Variants in ADARB2 observed in about 807,000 individuals in gnomAD.
ADARB2 encodes inactive double-stranded RNA-specific editase B2.
ADARB2 carries 25 observed loss-of-function variants against 62.2 expected under a neutral mutation model. The ratio of observed to expected loss-of-function variants is 0.40; its 90% CI spans 0.29 to 0.56. ADARB2 has a LOEUF of 0.56. ADARB2 is among the 20% of genes least tolerant of loss of function. ADARB2 has a pLI of 0.43. For synonymous variants in ADARB2, 572 were observed against 500.8 expected (o/e 1.14, Z -1.90); for missense variants, 1,071 against 1,077.4 (o/e 0.99, Z 0.08).
In ADARB2 at chr10:1,389,748, AAAATAAATAAATAAAT is replaced by A. The variant is rs141695100; in HGVS notation, c.101-10604_101-10589del. On this transcript the variant is annotated intron_variant, in intron 1 of 9. Coordinates refer to ENST00000381312, the MANE Select transcript of ADARB2 (RefSeq NM_018702.4). ...ACAGGCAGAGTGAGACTCTGACTCAAAAATAAATAAATAAATAAATAAATAAATAAATAAATAATAA... is the reference window on the plus strand; with the variant it reads ...ACAGGCAGAGTGAGACTCTGACTCAAAAATAAATAAATAAATAAATAATAA... 2.2e-3 allele frequency among the ~76,000 whole-genome samples: 323 copies of A among 146,478 alleles called. 2 individuals are homozygous for A. The highest frequency in any genetic ancestry group is 8.9e-3 in the Admixed American group (132 of 14,754).
intron 1 of ADARB2, among the ~76,000 whole-genome samples, chr10:1,673,432 T>C (rs1288089271): frequency 6.6e-6 from 1 of 152,080 alleles, no homozygotes; most frequent in Non-Finnish European, 1.5e-5. Context: ...GTTCATAATT[T>C]TTTTTAAGGG....
chr10:1,552,740 G>T (rs1383771074), intron 1 of ADARB2, among the ~76,000 whole-genome samples: 1 of 152,144 alleles, frequency 6.6e-6, no homozygotes, highest in Non-Finnish European at 1.5e-5. Context: ...GGAGGGAAGG[G>T]GAGAGAAGGG....
chr10:1,707,480 C>T (rs1005548555), intron 1 of ADARB2, among the ~76,000 whole-genome samples: 13 of 152,218 alleles, frequency 8.5e-5, no homozygotes, highest in Non-Finnish European at 1.8e-4. Flanking sequence ...CTTTTGAATC[C>T]GGTTTCCTAA....
chr10:1,567,599 CGTGG>C (rs1326845915), intron 1 of ADARB2, among the ~76,000 whole-genome samples: 6 of 152,192 alleles, frequency 3.9e-5, no homozygotes, highest in African/African-American at 1.2e-4. Flanking sequence ...GGACACAGGA[CGTGG>C]CCAGGCATGG....
chr10:1,601,478 A>G (rs1385788057), intron 1 of ADARB2, among the ~76,000 whole-genome samples: 4 of 152,206 alleles, frequency 2.6e-5, no homozygotes. Context: ...TAACAACATG[A>G]TTTAAAGCCT....
At chr10:1,543,913 G>A (rs1441442245) in intron 1 of ADARB2, among the ~76,000 whole-genome samples, 1 of 147,032 alleles carries the variant, frequency 6.8e-6, no homozygotes, top group Non-Finnish European at 1.5e-5. Flanking sequence ...TGTATTTTAA[G>A]AACTTATCTC....
At chr10:1,675,857 G>C (rs748280860) in intron 1 of ADARB2, 30 of 738,062 alleles carry the variant, frequency 4.1e-5, no homozygotes, top group South Asian at 1.2e-4. Flanking sequence ...ATCCCTGCAG[G>C]AGGGCAGAGG....
chr10:1,424,828 T>C (rs1259454982), intron 1 of ADARB2, among the ~76,000 whole-genome samples: 3 of 152,164 alleles, frequency 2.0e-5, no homozygotes, highest in African/African-American at 7.2e-5. Context: ...GCATTTTGGT[T>C]GCCCCGAGAT....
At chr10:1,473,583 T>C (rs1831356147) in intron 1 of ADARB2, among the ~76,000 whole-genome samples, 1 of 152,138 alleles carries the variant, frequency 6.6e-6, no homozygotes, top group Non-Finnish European at 1.5e-5. Context: ...GGTCTCACCA[T>C]GTTACCTAGG....
At chr10:1,444,050 C>T (rs1002654175) in intron 1 of ADARB2, among the ~76,000 whole-genome samples, 4 of 151,292 alleles carry the variant, frequency 2.6e-5, no homozygotes, top group Non-Finnish European at 5.9e-5. Context: ...TCTATCCATC[C>T]ATGCACCCAC....
chr10:1,282,929 C>G (rs1469963489), intron 3 of ADARB2, among the ~76,000 whole-genome samples: 1 of 152,172 alleles, frequency 6.6e-6, no homozygotes, highest in Non-Finnish European at 1.5e-5. Flanking sequence ...GTATTATGAC[C>G]AATCCGCACC....
intron 1 of ADARB2, among the ~76,000 whole-genome samples, chr10:1,433,545 TG>T (rs1830798193): frequency 6.6e-6 from 1 of 152,150 alleles, no homozygotes; most frequent in African/African-American, 2.4e-5. Flanking sequence ...GTGGTGAGGT[TG>T]TCGGTGTTGA....
chr10:1,712,995 G>C lies in ADARB2; in HGVS notation c.100+24056C>G, dbSNP rs112613561. On this transcript the variant is annotated intron_variant, in intron 1 of 9. Transcript: ENST00000381312. ...AGTCCCGACAGCAGGGTTTTCATCA[G>C]TCATGTGTACTTCCCTGTGAAATAG... 3.4e-3 allele frequency among the ~76,000 whole-genome samples: 518 copies of C among 152,266 alleles called. 2 individuals are homozygous for C. The highest frequency in any genetic ancestry group is 0.01 in the African/African-American group (424 of 41,546).
rs564201420 is a variant in ADARB2, at chr10:1,297,545, C to T, written c.1078-26476G>A. 2.6e-5 allele frequency among the ~76,000 whole-genome samples: 4 copies of T among 152,288 alleles called. No homozygotes were observed. In the East Asian group the frequency reaches 5.8e-4, roughly 22 times the overall value. On this transcript the variant is annotated intron_variant, in intron 3 of 9. Transcript: ENST00000381312. ...GTTCAGACCCCGAAGAGCCCTCTGA[C>T]CCAGAGACCCCCGAGGGTGGCTGCG... is the stretch of plus-strand genomic sequence containing the variant.
intron 1 of ADARB2, among the ~76,000 whole-genome samples, chr10:1,517,944 C>T (rs538120122): frequency 4.7e-4 from 72 of 152,264 alleles, no homozygotes; most frequent in African/African-American, 1.4e-3. Context: ...GCATGGCAGG[C>T]GCTCACTAAA....
intron 1 of ADARB2, among the ~76,000 whole-genome samples, chr10:1,715,245 G>A (rs889286558): frequency 4.6e-5 from 7 of 152,006 alleles, no homozygotes; most frequent in Non-Finnish European, 7.4e-5. Context: ...TCGATGCTCA[G>A]TTGCAATAGT....
intron 1 of ADARB2, among the ~76,000 whole-genome samples, chr10:1,730,182 G>C (rs1835213810): frequency 6.6e-6 from 1 of 152,202 alleles, no homozygotes; most frequent in Admixed American, 6.5e-5. Context: ...CAGCCACAGA[G>C]AGAAACCTGG....
intron 1 of ADARB2, among the ~76,000 whole-genome samples, chr10:1,633,565 T>TATCTATCTA (rs1233602339): frequency 6.9e-5 from 10 of 145,210 alleles, no homozygotes; most frequent in African/African-American, 1.6e-4. Flanking sequence ...TCTATCTATC[T>TATCTATCTA]ATCTATCTAT....
At chr10:1,347,484 G>A (rs943260838) in intron 3 of ADARB2, among the ~76,000 whole-genome samples, 5 of 152,224 alleles carry the variant, frequency 3.3e-5, no homozygotes, top group African/African-American at 1.2e-4. Context: ...CAGCTGGTAA[G>A]CAGATGCAGG....
Sources: gnomAD v4.1 joint callset for allele counts (sites outside exome capture counted in the v4.1 genomes callset) on GRCh38, gnomAD v4.1.1 for gene constraint, MANE v1.5 for transcripts, NCBI Gene and HGNC (gene_info 2026-07-23, HGNC 2026-07-21) for gene names.